TTF2: variants seen among roughly 807,000 people sequenced by gnomAD.
The protein encoded by TTF2 is RNA polymerase II termination factor.
In TTF2, 108 loss-of-function variants were observed where a neutral mutation model predicts 142.4. That is an observed-to-expected ratio of 0.76 (90% CI 0.65 to 0.89). The LOEUF is 0.89. Ranked by LOEUF, TTF2 falls within the 40% of genes least tolerant of loss-of-function variation. The pLI is 0.00. For synonymous variants in TTF2, 483 were observed against 506.2 expected, an observed-to-expected ratio of 0.95 and a Z score of 0.61; for missense variants, 1,327 against 1,379.8, an observed-to-expected ratio of 0.96 and a Z score of 0.61.
intron 18 of TTF2, among the ~76,000 whole-genome samples, chr1:117,094,365 T>C (rs1648898679): frequency 1.3e-5 from 2 of 152,178 alleles, no homozygotes; most frequent in Non-Finnish European, 2.9e-5. Context: ...TCCAGCATTC[T>C]GGGGGTGAAC....
In TTF2 at chr1:117,088,813, C is replaced by T; in HGVS notation, c.2173C>T (p.Pro725Ser). 1.2e-6 allele frequency: 2 copies of T among 1,613,626 alleles called. No individual in the cohort carries two copies. The highest frequency in any genetic ancestry group is 2.2e-5 in the South Asian group (2 of 91,004). ...ANLNVEGTST[P>S]LLRIAWARII... is the part of the protein sequence containing the mutation. The stretch of plus-strand genomic sequence containing the variant: ...GTGATTCTTCCAGGGCACCTCAACA[C>T]CTTTGCTTCGAATAGCCTGGGCTCG... Residue 725 changes from proline to serine, a missense_variant, in exon 13 of 23, where the codon CCT becomes TCT. By Grantham distance (74) the Pro-to-Ser change is moderately conservative. Transcript: ENST00000369466.
Position 117,062,121 on chromosome 1 carries a change from G to C in TTF2, c.132-266G>C, listed in dbSNP as rs1283487287. ...ATGTCATTCGTAGGGGGATCCCAGTGTAGAGATTACACAGTGCAGTGTGGT... is the reference window on the plus strand; with the variant it reads ...ATGTCATTCGTAGGGGGATCCCAGTCTAGAGATTACACAGTGCAGTGTGGT... On this transcript the variant is annotated intron_variant, in intron 2 of 22. Transcript: ENST00000369466. Among the ~76,000 whole-genome samples the C allele has an allele frequency of 3.9e-5, 6 of 152,310 alleles. No homozygotes were observed. In the South Asian group the frequency reaches 1.2e-3, roughly 32 times the overall value.
In TTF2 at chr1:117,076,156, C is replaced by T; in HGVS notation, c.1276-24C>T. 6.3e-7 allele frequency: 1 copy of T among 1,595,338 alleles called. No homozygotes were observed. The highest frequency in any genetic ancestry group is 8.6e-7 in the Non-Finnish European group (1 of 1,163,834). Reference sequence around the variant, plus strand: ...ATCTAACAGTGTGAGAGGAGAGATCCATTTGATGGAATCTGTTTTTCAGAG... The same window carrying T: ...ATCTAACAGTGTGAGAGGAGAGATCTATTTGATGGAATCTGTTTTTCAGAG... On this transcript the variant is annotated intron_variant, in intron 5 of 22. Transcript: ENST00000369466. This position sits in a 1 kb window ranked among gnomAD's most constrained non-coding sequence, Gnocchi z 4.6.
chr1:117,083,473 A>G (rs1647717111), intron 10 of TTF2, among the ~76,000 whole-genome samples: 1 of 151,732 alleles, frequency 6.6e-6, no homozygotes, highest in Admixed American at 6.5e-5. Flanking sequence ...TTAAGGTAGA[A>G]GTACATTAAG....
At chr1:117,096,481 G>T (rs1242925128) in intron 20 of TTF2, among the ~76,000 whole-genome samples, 182 bp downstream of exon 20, 2 of 152,186 alleles carry the variant, frequency 1.3e-5, no homozygotes, top group Non-Finnish European at 2.9e-5. Context: ...GGGTTCAAGC[G>T]ATTCTCCTGC....
At position 117,079,721 on chromosome 1, in the gene TTF2, C is replaced by T; in HGVS notation, c.1783+72C>T. On this transcript the variant is annotated intron_variant, in intron 9 of 22. Coordinates refer to ENST00000369466, the MANE Select transcript of TTF2 (RefSeq NM_003594.4). This position sits in a 1 kb window ranked among gnomAD's most constrained non-coding sequence, Gnocchi z 4.2. ...TTGTGCTAAACACGTAGTGTTGTTT[C>T]ATTTATTCCTCTCAAGAACTCTATG... The T allele has an allele frequency of 1.4e-6, 2 of 1,408,590 alleles. No individual in the cohort carries two copies. The highest frequency in any genetic ancestry group is 1.0e-6 in the Non-Finnish European group (1 of 994,036). 87.3% of individuals were successfully genotyped at this position (1,408,590 alleles called of 1,614,324 possible). A position where few individuals can be genotyped will look rare whatever the true frequency, so the allele number is the denominator to read the frequency against.
rs1170973064 is a variant in TTF2 at position 117,079,673 on chromosome 1, A to C, written c.1783+24A>C. On this transcript the variant is annotated intron_variant, in intron 9 of 22. Coordinates refer to ENST00000369466, the MANE Select transcript of TTF2 (RefSeq NM_003594.4). This position sits in a 1 kb window ranked among gnomAD's most constrained non-coding sequence, Gnocchi z 4.2. ...GGGTAAGTGTGGTATTATAAGAGTC[A>C]GCCTTTATTGAATGCTTAGGCATTG... The C allele has an allele frequency of 6.8e-6, 11 of 1,608,214 alleles. No individual in the cohort carries two copies. The East Asian group carries it at 8.9e-5, about 13-fold the overall frequency.
intron 10 of TTF2, 22 bp downstream of exon 10, chr1:117,081,969 G>A (rs1647551902): frequency 6.2e-7 from 1 of 1,613,710 alleles, no homozygotes; most frequent in Non-Finnish European, 8.5e-7. Context: ...TGCCTTAATA[G>A]CCTGCCATTC....
In TTF2 at chr1:117,095,382, T is replaced by G. The variant is rs1220854508; in HGVS notation, c.3035+15T>G. On this transcript the variant is annotated intron_variant, in intron 19 of 22. Coordinates refer to ENST00000369466, the MANE Select transcript of TTF2 (RefSeq NM_003594.4). The stretch of plus-strand genomic sequence containing the variant: ...TCCCAAAAGAGGTAACTGCGTTTTC[T>G]CATTATCCAAGTATTGGTCATAATT... 1 of 1,613,174 alleles carries G rather than the reference T, an allele frequency of 6.2e-7. No homozygotes were observed. The highest frequency in any genetic ancestry group is 2.2e-5 in the East Asian group (1 of 44,888).
In TTF2 at chr1:117,075,657, ATGT is replaced by A. The variant is rs1656938356; in HGVS notation, c.1078_1080del (p.Val360del). 4 of 1,614,098 alleles carry A rather than the reference ATGT, an allele frequency of 2.5e-6. No individual in the cohort carries two copies. The East Asian group carries it at 6.7e-5, about 27-fold the overall frequency. On this transcript the variant is annotated inframe_deletion, in exon 5 of 23. Coordinates refer to ENST00000369466, the MANE Select transcript of TTF2 (RefSeq NM_003594.4). This position sits in a 1 kb window ranked among gnomAD's most constrained non-coding sequence, Gnocchi z 4.5. The stretch of plus-strand genomic sequence containing the variant: ...AGCAGTGACGACGAGGAGGAAGATG[ATGT>A]TGTTTTTGTTTCCTCTAAGCCTGGG...
At position 117,100,242 on chromosome 1, in the gene TTF2, CTT is replaced by C. The variant is rs1649477854; in HGVS notation, c.3345-1136_3345-1135del. 6.6e-6 allele frequency among the ~76,000 whole-genome samples: 1 copy of C among 152,216 alleles called. No individual in the cohort carries two copies. Among genetic ancestry groups the C allele is most frequent in the Non-Finnish European group, 1.5e-5 (1 of 68,032 alleles). On this transcript the variant is annotated intron_variant, in intron 22 of 22. Coordinates refer to ENST00000369466, the MANE Select transcript of TTF2 (RefSeq NM_003594.4). The surrounding 1 kb of genome is among the most constrained non-coding windows in gnomAD (Gnocchi z 4.6). Reference sequence around the variant, plus strand: ...CATTGTCTTTGTGAATAGTATCACTCTTTATCTAATTATCTAGCCAGAACTAG... The same window carrying C: ...CATTGTCTTTGTGAATAGTATCACTCTATCTAATTATCTAGCCAGAACTAG...
chr1:117,095,487 G>A (rs1422273839), intron 19 of TTF2, 120 bp downstream of exon 19: 2 of 837,196 alleles, frequency 2.4e-6, no homozygotes, highest in Non-Finnish European at 3.9e-6. Context: ...TGAGGTTATA[G>A]CACACATTCC....
At chr1:117,091,159 G>T (rs1246714183) in intron 15 of TTF2, among the ~76,000 whole-genome samples, 169 bp from the exon 16 acceptor site, 2 of 151,870 alleles carry the variant, frequency 1.3e-5, no homozygotes, top group East Asian at 1.9e-4. Flanking sequence ...AAAAAGATTG[G>T]TTTTTTAAAA....
intron 10 of TTF2, 72 bp downstream of exon 10, chr1:117,082,019 G>A (rs1038968690): frequency 6.2e-7 from 1 of 1,606,456 alleles, no homozygotes; most frequent in Non-Finnish European, 8.5e-7. Context: ...AACGTCTTCA[G>A]CTAAAAAAGG....
In TTF2 at chr1:117,075,531, G is replaced by A. The variant is rs757979726; in HGVS notation, c.947G>A (p.Arg316Gln). 37 of 1,614,114 alleles carry A rather than the reference G, an allele frequency of 2.3e-5. No homozygotes were observed. Among genetic ancestry groups the A allele is most frequent in the South Asian group, 3.3e-5 (3 of 91,078 alleles). Residue 316 changes from arginine (R) to glutamine (Q), a missense_variant, in exon 5 of 23, where the codon CGG becomes CAG. By Grantham distance (43) the Arg-to-Gln change is conservative. Coordinates refer to ENST00000369466, the MANE Select transcript of TTF2 (RefSeq NM_003594.4). The surrounding 1 kb of genome is among the most constrained non-coding windows in gnomAD (Gnocchi z 4.5). ...KSLPQGHFQE[R>Q]PETHSVPAPG... is the part of the protein sequence containing the mutation. ...CTGCCTCAGGGGCATTTCCAAGAGC[G>A]GCCGGAGACCCACAGTGTGCCTGCT...
rs762769830 is a variant in TTF2, at chr1:117,091,357, A to T, written c.2618A>T (p.His873Leu). 2.5e-6 allele frequency: 4 copies of T among 1,613,282 alleles called. No homozygotes were observed. The highest frequency in any genetic ancestry group is 4.5e-5 in the East Asian group (2 of 44,840). ...RSALQSYLKRHESRGNQSGRS... is the reference protein window; with the variant it reads ...RSALQSYLKRLESRGNQSGRS... The stretch of plus-strand genomic sequence containing the variant: ...GCTCTGCAATCCTATCTAAAAAGAC[A>T]TGAAAGTAGAGGCAACCAATCTGGA... Residue 873 changes from histidine (H) to leucine (L), a missense_variant, in exon 16 of 23, where the codon CAT becomes CTT. Transcript: ENST00000369466.
intron 16 of TTF2, 148 bp downstream of exon 16, chr1:117,091,558 T>C (rs1440989615): frequency 3.8e-5 from 34 of 900,072 alleles, no homozygotes; most frequent in Non-Finnish European, 5.1e-5. Flanking sequence ...ATCTACTGAT[T>C]GCAAACACGA....
At chr1:117,082,130 A>AT (rs1553196682) in intron 10 of TTF2, 183 bp downstream of exon 10, 4 of 900,524 alleles carry the variant, frequency 4.4e-6, no homozygotes, top group Middle Eastern at 2.3e-4. Flanking sequence ...ATAAGTGATC[A>AT]TTTTTTCCGT....
intron 3 of TTF2, among the ~76,000 whole-genome samples, chr1:117,066,695 C>CTTTTTTTTTTTTTTTTTTTTTTT: frequency 8.7e-6 from 1 of 115,050 alleles, no homozygotes. Context: ...CTAATCATGT[C>CTTTTTTTTTTTTTTTTTTTTTTT]TTTTTTTTTT....
Sources: allele counts gnomAD v4.1 joint callset (sites outside exome capture counted in the v4.1 genomes callset), GRCh38; gene constraint gnomAD v4.1.1; non-coding constraint Gnocchi (gnomAD v3.1); transcripts MANE v1.5; gene names NCBI Gene and HGNC (gene_info 2026-07-23, HGNC 2026-07-21).